Variants in NRDE2 observed in about 807,000 individuals in gnomAD.
The protein encoded by NRDE2 is NRDE-2, necessary for RNA interference, domain containing, also known as nuclear exosome regulator NRDE2.
A neutral mutation model predicts 124.2 loss-of-function variants in NRDE2; 76 were observed. The ratio of observed to expected loss-of-function variants is 0.61; its 90% confidence interval spans 0.51 to 0.74. The LOEUF (loss-of-function observed/expected upper bound fraction) is 0.74, where lower values mean the gene tolerates loss of function less well. Ranked by LOEUF, NRDE2 falls within the 30% of genes least tolerant of loss-of-function variation. NRDE2 has a pLI of 0.00. For synonymous variants in NRDE2, 489 were observed against 528.1 expected (o/e 0.93, Z 1.01); for missense variants, 1,314 against 1,417.3 (o/e 0.93, Z 1.17).
chr14:90,330,890 A>G (rs996845196), intron 1 of NRDE2, among the ~76,000 whole-genome samples: 2 of 152,064 alleles, frequency 1.3e-5, no homozygotes, highest in East Asian at 1.9e-4. Context: ...GTAAGACTCA[A>G]TTGCGCCCTG....
intron 6 of NRDE2, 104 bp from the exon 7 acceptor site, chr14:90,301,476 C>A: frequency 1.0e-6 from 1 of 967,838 alleles, no homozygotes; most frequent in Non-Finnish European, 1.6e-6. Flanking sequence ...ACACCTTTCA[C>A]CTGCAATCAC....
intron 12 of NRDE2, 96 bp downstream of exon 12, chr14:90,286,258 G>A (rs746388555): frequency 7.1e-7 from 1 of 1,403,214 alleles, no homozygotes; most frequent in Non-Finnish European, 9.6e-7. Flanking sequence ...CAGCTCTCCT[G>A]GGCAGGGGCT....
chr14:90,324,673 C>CAA (rs35515329), intron 1 of NRDE2, among the ~76,000 whole-genome samples: 1,902 of 65,908 alleles, frequency 0.029, 60 homozygotes, highest in African/African-American at 0.1. Flanking sequence ...GCTCCGTCTC[C>CAA]AAAAAAAAAA....
At position 90,290,311 on chromosome 14, in the gene NRDE2, G is replaced by T. The variant is rs1417535825; in HGVS notation, c.2139C>A (p.Ile713=). The T allele has an allele frequency of 1.9e-6, 3 of 1,613,996 alleles. No homozygotes were observed. The Admixed American group carries it at 5.0e-5, about 27-fold the overall frequency. ...RGQNREGEEF[I]RNVFHLVMPL... is the part of the protein sequence containing the mutation. The stretch of plus-strand genomic sequence containing the variant: ...GCATGACAAGGTGGAAGACATTGCG[G>T]ATGAACTCCTCGCCCTCTCGGTTCT... The change falls in exon 10 of 14, where the codon ATC becomes ATA. Residue 713 remains isoleucine (I), a synonymous_variant. Coordinates refer to ENST00000354366, the MANE Select transcript of NRDE2 (RefSeq NM_017970.4).
In NRDE2 at chr14:90,274,827, CACACACA is replaced by C. The variant is rs1483221087; in HGVS notation, c.*3502_*3508del. ...ACACACACACACACACACACACACACACACACACACACCCCAATACATATGAATTGAT... is the reference window on the plus strand; with the variant it reads ...ACACACACACACACACACACACACACCACACCCCAATACATATGAATTGAT... On this transcript the variant is annotated 3_prime_UTR_variant, in exon 14 of 14. Transcript: ENST00000354366. The C allele has an allele frequency of 2.5e-4, 24 of 96,580 alleles. 1 individual carries two copies. The highest frequency in any genetic ancestry group is 3.5e-4 in the East Asian group (1 of 2,862). 6.0% of individuals were successfully genotyped at this position (96,580 alleles called of 1,614,324 possible). A position where few individuals can be genotyped will look rare whatever the true frequency, so the allele number is the denominator to read the frequency against.
chr14:90,304,398 G>T lies in NRDE2; in HGVS notation c.558-16C>A, dbSNP rs1566693682. 1 of 1,555,350 alleles carries T rather than the reference G, an allele frequency of 6.4e-7. No homozygotes were observed. Among genetic ancestry groups the T allele is most frequent in the African/African-American group, 1.4e-5 (1 of 72,442 alleles). Reference sequence around the variant, plus strand: ...CCTCTTGTATCTGATATTAGAAAAAGAAAAAAAGTTACTGAGGGAATACGT... The same window carrying T: ...CCTCTTGTATCTGATATTAGAAAAATAAAAAAAGTTACTGAGGGAATACGT... On this transcript the variant is annotated splice_polypyrimidine_tract_variant and intron_variant, in intron 4 of 13. Transcript: ENST00000354366.
In NRDE2 at chr14:90,302,706, G is replaced by C. The variant is rs1355981405; in HGVS notation, c.1411+14C>G. On this transcript the variant is annotated intron_variant, in intron 6 of 13. Transcript: ENST00000354366. The stretch of plus-strand genomic sequence containing the variant: ...TAACTCCTCCCACGTAACTGGATCT[G>C]GTTATCTCCTTACCAAACATGGCCT... The C allele has an allele frequency of 1.9e-6, 3 of 1,582,072 alleles. No individual in the cohort carries two copies. In the East Asian group the frequency reaches 6.7e-5, roughly 36 times the overall value.
chr14:90,318,372 T>C (rs115420347), intron 1 of NRDE2, among the ~76,000 whole-genome samples: 3 of 152,350 alleles, frequency 2.0e-5, no homozygotes, highest in South Asian at 4.1e-4. Flanking sequence ...GCAAAAGCCA[T>C]GTAACAAGTA....
chr14:90,274,787 TACACACACACACACACACAC>T lies in NRDE2; in HGVS notation c.*3529_*3548del, dbSNP rs144111170. Reference sequence around the variant, plus strand: ...CAGTATAGCCCTTTAAATAGGGAACTACACACACACACACACACACACACACACACACACACACACACACA... The same window carrying T: ...CAGTATAGCCCTTTAAATAGGGAACTACACACACACACACACACACACACA... On this transcript the variant is annotated 3_prime_UTR_variant, in exon 14 of 14. Coordinates refer to ENST00000354366, the MANE Select transcript of NRDE2 (RefSeq NM_017970.4). The T allele has an allele frequency of 4.4e-4, 49 of 110,988 alleles. No individual in the cohort carries two copies. Among genetic ancestry groups the T allele is most frequent in the African/African-American group, 1.2e-3 (37 of 31,820 alleles). The allele number at this position is 110,988 out of a possible 1,614,324, so 6.9% of individuals were successfully genotyped here.
rs1891760073 is a variant in NRDE2 at position 90,274,803 on chromosome 14, CA to C, written c.*3532del. 9.0e-5 allele frequency: 6 copies of C among 66,412 alleles called. No homozygotes were observed. Among genetic ancestry groups the C allele is most frequent in the Non-Finnish European group, 1.8e-4 (6 of 33,144 alleles). The allele number at this position is 66,412 out of a possible 1,614,324, so 4.1% of individuals were successfully genotyped here. On this transcript the variant is annotated 3_prime_UTR_variant, in exon 14 of 14. Coordinates refer to ENST00000354366, the MANE Select transcript of NRDE2 (RefSeq NM_017970.4). ...ATAGGGAACTACACACACACACACA[CA>C]CACACACACACACACACACACACAC...
chr14:90,317,421 A>G (rs1885086924), intron 2 of NRDE2, among the ~76,000 whole-genome samples: 1 of 152,214 alleles, frequency 6.6e-6, no homozygotes, highest in African/African-American at 2.4e-5. Flanking sequence ...AATATCTAAT[A>G]TCTACCAACT....
intron 13 of NRDE2, 53 bp downstream of exon 13, chr14:90,279,009 A>G (rs1891879764): frequency 7.9e-7 from 1 of 1,268,354 alleles, no homozygotes; most frequent in Non-Finnish European, 1.2e-6. Flanking sequence ...CTGGACGGAG[A>G]CCTGGCGGGA....
chr14:90,330,419 C>T (rs1885642577), intron 1 of NRDE2, among the ~76,000 whole-genome samples: 1 of 152,072 alleles, frequency 6.6e-6, no homozygotes, highest in African/African-American at 2.4e-5. Context: ...GTGCTAGGGG[C>T]TAACTATGCT....
Position 90,329,856 on chromosome 14 carries a change from T to G in NRDE2, c.64+1985A>C, listed in dbSNP as rs576307109. Among the ~76,000 whole-genome samples the G allele has an allele frequency of 3.1e-4, 41 of 134,388 alleles. 1 individual carries two copies. In the South Asian group the frequency reaches 4.7e-3, roughly 15 times the overall value. The allele number at this position is 134,388 out of a possible 152,430, so 88.2% of individuals were successfully genotyped here. ...GCCTCAAAAAAAAAAAAAAAAAAAGTAAAAGAAAAAAATATTAGTTCCTAC... is the reference window on the plus strand; with the variant it reads ...GCCTCAAAAAAAAAAAAAAAAAAAGGAAAAGAAAAAAATATTAGTTCCTAC... On this transcript the variant is annotated intron_variant, in intron 1 of 13. Coordinates refer to ENST00000354366, the MANE Select transcript of NRDE2 (RefSeq NM_017970.4).
rs983012595 is a variant in NRDE2 at position 90,278,340 on chromosome 14, T to C, written c.3491A>G (p.Asp1164Gly). The C allele has an allele frequency of 6.2e-7, 1 of 1,614,024 alleles. No individual in the cohort carries two copies. The highest frequency in any genetic ancestry group is 8.5e-7 in the Non-Finnish European group (1 of 1,179,960). The change falls in exon 14 of 14, where the codon GAT (aspartate) becomes GGT (glycine). Residue 1164 changes from aspartate to glycine, a missense_variant. Transcript: ENST00000354366. ...AGCCCGTTTTCCCGCTGCTCTCTAA[T>C]CCTCCAGCAGCAGCTCCAGCTCCTC... The part of the protein sequence containing the change: ...PLEELELLLE[D>G]
intron 3 of NRDE2, among the ~76,000 whole-genome samples, chr14:90,316,257 G>A (rs907611569): frequency 1.3e-5 from 2 of 152,098 alleles, no homozygotes; most frequent in African/African-American, 2.4e-5. Flanking sequence ...GAGACCCACG[G>A]CCCTCAGAGA....
chr14:90,298,424 A>T lies in NRDE2; in HGVS notation c.1546-44T>A, dbSNP rs185251757. The T allele has an allele frequency of 7.9e-5, 127 of 1,610,914 alleles. No individual in the cohort carries two copies. The African/African-American group carries it at 9.5e-4, about 12-fold the overall frequency. On this transcript the variant is annotated intron_variant, in intron 7 of 13. Transcript: ENST00000354366. The stretch of plus-strand genomic sequence containing the variant: ...GGACGTTAGACCTCACTTGTATAAA[A>T]CTGCTGAGTCAGTGGGCAAAATCCG...
chr14:90,284,124 T>G lies in NRDE2; in HGVS notation c.3297+2230A>C, dbSNP rs144484194. 5.5e-3 allele frequency among the ~76,000 whole-genome samples: 833 copies of G among 152,188 alleles called. 7 individuals are homozygous for G. Among genetic ancestry groups the G allele is most frequent in the African/African-American group, 0.019 (807 of 41,490 alleles). ...CAGGTCCTGCCCAGCCCCTCAGGCC[T>G]TCAGTGCCTGGCTCCTTCCAGAGGT... is the stretch of plus-strand genomic sequence containing the variant. On this transcript the variant is annotated intron_variant, in intron 12 of 13. Coordinates refer to ENST00000354366, the MANE Select transcript of NRDE2 (RefSeq NM_017970.4).
intron 1 of NRDE2, among the ~76,000 whole-genome samples, chr14:90,329,814 G>A (rs995068615): frequency 1.3e-5 from 2 of 149,242 alleles, no homozygotes; most frequent in African/African-American, 5.0e-5. Flanking sequence ...CTCCAGCCTG[G>A]GTGACAGAGT....
Sources: allele counts gnomAD v4.1 joint callset (sites outside exome capture counted in the v4.1 genomes callset), GRCh38; gene constraint gnomAD v4.1.1; transcripts MANE v1.5; gene names NCBI Gene and HGNC (gene_info 2026-07-23, HGNC 2026-07-21).